NT5C3B: variants seen among roughly 807,000 people sequenced by gnomAD.
NT5C3B encodes the protein 7-methylguanosine phosphate-specific 5'-nucleotidase.
NT5C3B carries 28 observed loss-of-function variants against 32.5 expected under a neutral mutation model. The observed-to-expected ratio is 0.86, with a 90% CI of 0.64 to 1.18. NT5C3B has a LOEUF of 1.18. Among genes scored for constraint, NT5C3B ranks in the 50% most tolerant of loss-of-function variants. The pLI is 0.00. For synonymous variants in NT5C3B, 138 were observed against 118.0 expected, an observed-to-expected ratio of 1.17 and a Z score of -1.10; for missense variants, 317 against 322.0, an observed-to-expected ratio of 0.98 and a Z score of 0.12.
chr17:41,832,427 C>A lies in NT5C3B; in HGVS notation c.279G>T (p.Arg93=). ...TATGAGGTAGCTTCTCCTTGACGGTCCGGTGTGGGTCGATCTCAATTGGGT... is the reference window on the plus strand; with the variant it reads ...TATGAGGTAGCTTCTCCTTGACGGTACGGTGTGGGTCGATCTCAATTGGGT... ...HYYPIEIDPH[R]TVKEKLPHMV... is the part of the protein sequence containing the mutation. Residue 93 remains arginine (R), a synonymous_variant, in exon 5 of 9, where the codon CGG becomes CGT. Transcript: ENST00000435506. 1.2e-6 allele frequency: 2 copies of A among 1,613,862 alleles called. No homozygotes were observed. The highest frequency in any genetic ancestry group is 1.7e-6 in the Non-Finnish European group (2 of 1,179,850).
intron 2 of NT5C3B, 103 bp from the exon 3 acceptor site, chr17:41,835,375 C>T: frequency 1.0e-6 from 1 of 978,786 alleles, no homozygotes; most frequent in African/African-American, 1.6e-5. Context: ...AGCTCAGTGG[C>T]CAGGATGTAG....
chr17:41,826,299 C>T (rs2144084564), intron 8 of NT5C3B, among the ~76,000 whole-genome samples: 1 of 152,250 alleles, frequency 6.6e-6, no homozygotes, highest in East Asian at 1.9e-4. Flanking sequence ...TCTTGGCTCA[C>T]TGCAGCTTCA....
intron 2 of NT5C3B, 35 bp downstream of exon 2, chr17:41,835,824 C>A: frequency 6.4e-7 from 1 of 1,569,176 alleles, no homozygotes. Flanking sequence ...CCAGCCGCCC[C>A]CAGCCCGGCC....
chr17:41,833,282 C>T (rs1471434703), intron 4 of NT5C3B, among the ~76,000 whole-genome samples: 3 of 151,962 alleles, frequency 2.0e-5, no homozygotes, highest in African/African-American at 7.3e-5. Flanking sequence ...TGGAGAAGCG[C>T]TTTTCAACTC....
chr17:41,832,500 A>G lies in NT5C3B; in HGVS notation c.229-23T>C, dbSNP rs191474860. On this transcript the variant is annotated intron_variant, in intron 4 of 8. Transcript: ENST00000435506. Reference sequence around the variant, plus strand: ...GAGCTGGGATATCCAAATGGGGAGAAAGGCCATTAGTCCATATCAAGTTCT... The same window carrying G: ...GAGCTGGGATATCCAAATGGGGAGAGAGGCCATTAGTCCATATCAAGTTCT... 9,949 of 1,599,930 alleles carry G rather than the reference A, an allele frequency of 6.2e-3. 56 individuals carry two copies. Among genetic ancestry groups the G allele is most frequent in the Non-Finnish European group, 6.9e-3 (8,006 of 1,167,766 alleles).
Position 41,832,332 on chromosome 17 carries a change from C to T in NT5C3B, c.314+60G>A, listed in dbSNP as rs1432466207. On this transcript the variant is annotated intron_variant, in intron 5 of 8. Transcript: ENST00000435506. Reference sequence around the variant, plus strand: ...CTCATCAAGGGTCTGGAAAAATATGCCCCTCCCAGCCTACTCCATCTCAAG... The same window carrying T: ...CTCATCAAGGGTCTGGAAAAATATGTCCCTCCCAGCCTACTCCATCTCAAG... 147 of 1,413,390 alleles carry T rather than the reference C, an allele frequency of 1.0e-4. 1 individual carries two copies. The South Asian group carries it at 1.6e-3, about 16-fold the overall frequency. 87.6% of individuals were successfully genotyped at this position (1,413,390 alleles called of 1,614,324 possible).
intron 4 of NT5C3B, among the ~76,000 whole-genome samples, chr17:41,834,142 T>C (rs1252765447): frequency 1.3e-5 from 2 of 152,112 alleles, no homozygotes; most frequent in Admixed American, 1.3e-4. Flanking sequence ...ATGCCTGTAA[T>C]CTCAGCACTT....
chr17:41,832,642 TG>T (rs1490738286), intron 4 of NT5C3B, 165 bp from the exon 5 acceptor site: 6 of 484,670 alleles, frequency 1.2e-5, no homozygotes, highest in Non-Finnish European at 2.3e-5. Context: ...CTGAGGCAGG[TG>T]GATCACTTGA....
intron 7 of NT5C3B, among the ~76,000 whole-genome samples, 171 bp from the exon 8 acceptor site, chr17:41,827,797 A>G (rs942276710): frequency 6.6e-6 from 1 of 152,234 alleles, no homozygotes; most frequent in Admixed American, 6.5e-5. Flanking sequence ...TGCTTTTGTA[A>G]ATAAAGTTGT....
chr17:41,835,083 T>C lies in NT5C3B; in HGVS notation c.215A>G (p.Glu72Gly), dbSNP rs781976573. 2.5e-6 allele frequency: 4 copies of C among 1,614,128 alleles called. No individual in the cohort carries two copies. The highest frequency in any genetic ancestry group is 3.4e-6 in the Non-Finnish European group (4 of 1,179,988). Residue 72 changes from glutamate (E) to glycine (G), a missense_variant, in exon 4 of 9, where the codon GAG (glutamate) becomes GGG (glycine). Coordinates refer to ENST00000435506, the MANE Select transcript of NT5C3B (RefSeq NM_052935.5). The part of the protein sequence containing the change: ...ILDNSKIISE[E>G]CRKELTALLH... ...GGAGCAACCCACCTCTTTCCGACAC[T>C]CCTCACTGATGATCTTGCTATTATC...
chr17:41,829,115 G>A (rs1477397112), intron 6 of NT5C3B, among the ~76,000 whole-genome samples, 163 bp from the exon 7 acceptor site: 12 of 151,700 alleles, frequency 7.9e-5, no homozygotes, highest in African/African-American at 2.7e-4. Flanking sequence ...TCGACCTCCC[G>A]AGTTCAAGTG....
intron 6 of NT5C3B, among the ~76,000 whole-genome samples, chr17:41,830,520 G>C (rs1287677261): frequency 1.3e-5 from 2 of 152,060 alleles, no homozygotes; most frequent in East Asian, 1.9e-4. Context: ...GAAGAGAAGA[G>C]AAGAGAAGAC....
chr17:41,834,834 A>T (rs2048117124), intron 4 of NT5C3B, among the ~76,000 whole-genome samples: 1 of 152,244 alleles, frequency 6.6e-6, no homozygotes, highest in South Asian at 2.1e-4. Context: ...AATCTCTTGT[A>T]AACTCTATAG....
chr17:41,834,704 A>G (rs1328729760), intron 4 of NT5C3B, among the ~76,000 whole-genome samples: 4 of 152,148 alleles, frequency 2.6e-5, no homozygotes, highest in Non-Finnish European at 5.9e-5. Flanking sequence ...AACAAAGATC[A>G]AGCCATTGCA....
In NT5C3B at chr17:41,835,250, G is replaced by T. The variant is rs1158220499; in HGVS notation, c.134C>A (p.Thr45Asn). ...RLQVISDFDM[T>N]LSRFAYNGKR... ...TCCATTATATGCAAACCTGCTCAAG[G>T]TCATGTCAAAATCAGAAATCACCTA... is the stretch of plus-strand genomic sequence containing the variant. Residue 45 changes from threonine (T) to asparagine (N), a missense_variant, in exon 3 of 9, where the codon ACC (threonine) becomes AAC (asparagine). Transcript: ENST00000435506. 1 of 1,614,008 alleles carries T rather than the reference G, an allele frequency of 6.2e-7. No individual in the cohort carries two copies. The highest frequency in any genetic ancestry group is 8.5e-7 in the Non-Finnish European group (1 of 1,179,996).
intron 1 of NT5C3B, 97 bp from the exon 2 acceptor site, chr17:41,836,054 G>C (rs1555619959): frequency 7.1e-7 from 1 of 1,405,216 alleles, no homozygotes; most frequent in African/African-American, 1.5e-5. Context: ...GCGGGGCCGG[G>C]GTGCGCGAGG....
chr17:41,827,590 T>C lies in NT5C3B; in HGVS notation c.604A>G (p.Thr202Ala). 1.2e-6 allele frequency: 1 copy of C among 867,278 alleles called. No individual in the cohort carries two copies. The highest frequency in any genetic ancestry group is 2.0e-6 in the Non-Finnish European group (1 of 496,498). The allele number at this position is 867,278 out of a possible 1,614,324, so 53.7% of individuals were successfully genotyped here. ...CACGCAGAGCTGTTCTTGTTGTATG[T>C]GTGTATGAGCTGGCCCTTAAATCCC... ...LQGFKGQLIH[T>A]YNKNSSACEN... Residue 202 changes from threonine (T) to alanine (A), a missense_variant, in exon 8 of 9, where the codon ACA becomes GCA. Thr to Ala is a moderately conservative substitution (Grantham distance 58). Coordinates refer to ENST00000435506, the MANE Select transcript of NT5C3B (RefSeq NM_052935.5).
At chr17:41,829,185 C>A (rs978957746) in intron 6 of NT5C3B, among the ~76,000 whole-genome samples, 2 of 152,018 alleles carry the variant, frequency 1.3e-5, no homozygotes, top group Non-Finnish European at 2.9e-5. Context: ...CCACACCTGG[C>A]TAATTTTTTT....
chr17:41,826,639 T>C lies in NT5C3B; in HGVS notation c.768+787A>G, dbSNP rs192430641. 7.2e-5 allele frequency among the ~76,000 whole-genome samples: 11 copies of C among 151,764 alleles called. No homozygotes were observed. The East Asian group carries it at 1.6e-3, about 22-fold the overall frequency. ...TTGCAGGGAGCCGAGATCGTGCCAC[T>C]GCACTCCACTAGGGGACAGAGTGAG... On this transcript the variant is annotated intron_variant, in intron 8 of 8. Coordinates refer to ENST00000435506, the MANE Select transcript of NT5C3B (RefSeq NM_052935.5).
Sources: gnomAD v4.1 joint callset for allele counts (sites outside exome capture counted in the v4.1 genomes callset) on GRCh38, gnomAD v4.1.1 for gene constraint, MANE v1.5 for transcripts, NCBI Gene and HGNC (gene_info 2026-07-23, HGNC 2026-07-21) for gene names.